The following SVOP variants were observed in gnomAD, a reference collection of about 807,000 sequenced individuals.
The protein encoded by SVOP is synaptic vesicle 2-related protein.
In SVOP, 17 loss-of-function variants were observed where a neutral mutation model predicts 69.1. The ratio of observed to expected loss-of-function variants is 0.25; its 90% CI spans 0.17 to 0.37. The LOEUF (loss-of-function observed/expected upper bound fraction) is 0.37. Among genes scored for constraint, SVOP ranks in the 10% least tolerant of loss-of-function variants. The probability of loss-of-function intolerance (pLI) is 1.00; values close to 1 mark genes in which losing one functional copy is unlikely to be tolerated. For synonymous variants in SVOP, 238 were observed against 238.6 expected, an observed-to-expected ratio of 1.00 and a Z score of 0.02; for missense variants, 435 against 597.5, an observed-to-expected ratio of 0.73 and a Z score of 2.84.
chr12:108,930,616 G>A (rs1024056119), intron 11 of SVOP, among the ~76,000 whole-genome samples: 2 of 152,094 alleles, frequency 1.3e-5, no homozygotes, highest in Non-Finnish European at 1.5e-5. Flanking sequence ...TGTATTTTTA[G>A]TAGAGATGGG....
intron 1 of SVOP, among the ~76,000 whole-genome samples, chr12:108,986,114 C>A (rs1284933488): frequency 6.6e-6 from 1 of 152,142 alleles, no homozygotes; most frequent in African/African-American, 2.4e-5. Flanking sequence ...CATTTCACCC[C>A]CTCTACCACA....
At position 108,960,940 on chromosome 12, in the gene SVOP, G is replaced by A. The variant is rs1053777672; in HGVS notation, c.561C>T (p.Ile187=). The part of the protein sequence containing the change: ...LVLRGLVGFG[I]GGVPQSVTLY... ...TTACTTACGACTGGGGAACTCCTCCGATCCCGAAGCCCACCAGGCCCCGGA... is the reference window on the plus strand; with the variant it reads ...TTACTTACGACTGGGGAACTCCTCCAATCCCGAAGCCCACCAGGCCCCGGA... Residue 187 remains isoleucine, a synonymous_variant, in exon 6 of 16, where the codon ATC becomes ATT. Coordinates refer to ENST00000610966, the MANE Select transcript of SVOP (RefSeq NM_018711.5). 12 of 1,536,864 alleles carry A rather than the reference G, an allele frequency of 7.8e-6. No homozygotes were observed. Among genetic ancestry groups the A allele is most frequent in the South Asian group, 3.6e-5 (3 of 84,048 alleles).
chr12:108,983,115 T>A (rs2040150556), intron 2 of SVOP, among the ~76,000 whole-genome samples: 1 of 150,144 alleles, frequency 6.7e-6, no homozygotes, highest in Non-Finnish European at 1.5e-5. Flanking sequence ...ATCATCATAA[T>A]CACCATAATC....
At chr12:108,953,565 T>A (rs2039969149) in intron 6 of SVOP, among the ~76,000 whole-genome samples, 1 of 152,242 alleles carries the variant, frequency 6.6e-6, no homozygotes, top group African/African-American at 2.4e-5. Context: ...TGCAATAGGA[T>A]AAAGCTATTG....
chr12:108,929,286 T>A (rs1322835198), intron 11 of SVOP, among the ~76,000 whole-genome samples: 1 of 152,172 alleles, frequency 6.6e-6, no homozygotes, highest in East Asian at 1.9e-4. Flanking sequence ...TAGTCCTTTT[T>A]AAATATTTAT....
rs1832345100 is a variant in SVOP, at chr12:108,909,961, TG to T, written c.*2573del. ...TTTACAAGGCAAAGAGTTTTTGTTT[TG>T]TTTTGTTTTGTTTTTGAGATGGAGT... On this transcript the variant is annotated 3_prime_UTR_variant, in exon 16 of 16. Transcript: ENST00000610966. The T allele has an allele frequency of 4.6e-5, 7 of 152,740 alleles. No homozygotes were observed. In the South Asian group the frequency reaches 1.4e-3, roughly 32 times the overall value. The allele number at this position is 152,740 out of a possible 1,614,324, so 9.5% of individuals were successfully genotyped here.
intron 2 of SVOP, among the ~76,000 whole-genome samples, chr12:108,980,029 A>C: frequency 6.6e-6 from 1 of 152,142 alleles, no homozygotes; most frequent in South Asian, 2.1e-4. Flanking sequence ...TTTAAAAAGT[A>C]GCTGTGAGTT....
chr12:109,014,088 T>A (rs535193282), intron 1 of SVOP, among the ~76,000 whole-genome samples: 47 of 149,166 alleles, frequency 3.2e-4, no homozygotes, highest in African/African-American at 1.0e-3. Context: ...TGATCTCAGC[T>A]CATTGGGACC....
intron 1 of SVOP, among the ~76,000 whole-genome samples, chr12:108,989,645 C>T (rs2040187769): frequency 6.6e-6 from 1 of 152,148 alleles, no homozygotes; most frequent in Non-Finnish European, 1.5e-5. Flanking sequence ...AGGTGGCTCC[C>T]CTCCACCAGG....
intron 6 of SVOP, among the ~76,000 whole-genome samples, chr12:108,946,287 A>G (rs1265434671): frequency 6.6e-6 from 1 of 150,502 alleles, no homozygotes; most frequent in African/African-American, 2.4e-5. Flanking sequence ...AATTGTGGAG[A>G]TGAGGTCTCA....
In SVOP at chr12:108,994,024, C is replaced by T. The variant is rs115558798; in HGVS notation, c.36-10263G>A. Among the ~76,000 whole-genome samples the T allele has an allele frequency of 3.8e-3, 576 of 152,286 alleles. 3 individuals carry two copies. Among genetic ancestry groups the T allele is most frequent in the African/African-American group, 0.013 (544 of 41,558 alleles). On this transcript the variant is annotated intron_variant, in intron 1 of 15. Coordinates refer to ENST00000610966, the MANE Select transcript of SVOP (RefSeq NM_018711.5). ...TTTGTCACATCTTCGCCGCAAGGAC[C>T]GTCCACGGCTCCCTACTTCCTTCTG...
rs535078261 is a variant in SVOP, at chr12:109,018,569, T to A, written c.35+2265A>T. On this transcript the variant is annotated intron_variant, in intron 1 of 15. Transcript: ENST00000610966. ...CTCTCGGGAAATCTGCTGCCTGCAA[T>A]CTGTGCATAATATACGAAGGGTGTG... Among the ~76,000 whole-genome samples the A allele has an allele frequency of 5.9e-5, 9 of 152,294 alleles. 1 individual carries two copies. In the East Asian group the frequency reaches 1.7e-3, roughly 29 times the overall value.
At chr12:108,945,789 C>A (rs570948425) in intron 6 of SVOP, among the ~76,000 whole-genome samples, 1 of 152,298 alleles carries the variant, frequency 6.6e-6, no homozygotes, top group East Asian at 1.9e-4. Context: ...GTTTTCTTGG[C>A]AGGAACACCT....
intron 1 of SVOP, among the ~76,000 whole-genome samples, chr12:109,010,502 C>T (rs1368334383): frequency 6.6e-6 from 1 of 152,116 alleles, no homozygotes; most frequent in Non-Finnish European, 1.5e-5. Flanking sequence ...GGCCTCCAGA[C>T]TATTGTGGTT....
chr12:108,977,307 G>C, intron 4 of SVOP, 91 bp downstream of exon 4: 1 of 1,428,532 alleles, frequency 7.0e-7, no homozygotes, highest in South Asian at 1.3e-5. Flanking sequence ...TTTCTGCTGA[G>C]CCTTCGGCAG....
chr12:108,997,640 T>C (rs1337173855), intron 1 of SVOP, among the ~76,000 whole-genome samples: 2 of 151,396 alleles, frequency 1.3e-5, no homozygotes. Context: ...CCTCCTCAAG[T>C]GGGTCCCTGA....
chr12:109,014,118 C>A (rs572122931), intron 1 of SVOP, among the ~76,000 whole-genome samples: 1 of 150,202 alleles, frequency 6.7e-6, no homozygotes, highest in African/African-American at 2.5e-5. Flanking sequence ...TAAGTTCAAG[C>A]GATTCTCGTG....
chr12:109,009,315 A>G (rs1454668970), intron 1 of SVOP, among the ~76,000 whole-genome samples: 1 of 151,422 alleles, frequency 6.6e-6, no homozygotes, highest in Non-Finnish European at 1.5e-5. Flanking sequence ...TACAGAGGGG[A>G]CCCTCTCTGT....
chr12:108,977,356 G>T, intron 4 of SVOP, 42 bp downstream of exon 4: 1 of 1,534,136 alleles, frequency 6.5e-7, no homozygotes, highest in East Asian at 2.4e-5. Flanking sequence ...CCCCAGGGGA[G>T]CAGAACTGTA....
Sources: allele counts gnomAD v4.1 joint callset (sites outside exome capture counted in the v4.1 genomes callset), GRCh38; gene constraint gnomAD v4.1.1; transcripts MANE v1.5; gene names NCBI Gene and HGNC (gene_info 2026-07-23, HGNC 2026-07-21).